Variants in SHCBP1L observed in about 807,000 individuals in gnomAD.
The protein encoded by SHCBP1L is SHC binding and spindle associated 1 like.
In SHCBP1L, 67 loss-of-function variants were observed where a neutral mutation model predicts 62.5. That is an observed-to-expected ratio of 1.07 (90% CI 0.88 to 1.31). The LOEUF is 1.31. Ranked by LOEUF, SHCBP1L falls within the 40% of genes most tolerant of loss-of-function variation. The pLI is 0.00. For synonymous variants in SHCBP1L, 284 were observed against 289.4 expected (o/e 0.98, Z 0.19); for missense variants, 823 against 809.8 (o/e 1.02, Z -0.20).
At chr1:182,911,044 T>C (rs1205005787) in intron 6 of SHCBP1L, among the ~76,000 whole-genome samples, 1 of 151,892 alleles carries the variant, frequency 6.6e-6, no homozygotes. Context: ...TGTGCACCAC[T>C]ATGCCCAGCT....
intron 2 of SHCBP1L, among the ~76,000 whole-genome samples, chr1:182,946,054 C>T (rs573787500): frequency 2.0e-5 from 3 of 146,904 alleles, no homozygotes; most frequent in East Asian, 2.0e-4. Flanking sequence ...AGCAAGACTC[C>T]GTCTTAAAAA....
At chr1:182,930,547 G>GTATATA (rs1650934881) in intron 5 of SHCBP1L, among the ~76,000 whole-genome samples, 1 of 92,820 alleles carries the variant, frequency 1.1e-5, no homozygotes, top group African/African-American at 4.0e-5. Context: ...GCTTTAGTGT[G>GTATATA]TGTGTATATA....
At chr1:182,938,229 T>A (rs975298057) in intron 5 of SHCBP1L, among the ~76,000 whole-genome samples, 1 of 152,008 alleles carries the variant, frequency 6.6e-6, no homozygotes, top group Non-Finnish European at 1.5e-5. Flanking sequence ...TGCCTCAGCC[T>A]CCCGAGTAGC....
intron 6 of SHCBP1L, among the ~76,000 whole-genome samples, chr1:182,921,373 C>T (rs1650522643): frequency 6.6e-6 from 1 of 152,142 alleles, no homozygotes; most frequent in African/African-American, 2.4e-5. Flanking sequence ...AAATGAAAGA[C>T]TGTTATTTAC....
At chr1:182,900,987 T>C (rs765981552) in intron 9 of SHCBP1L, among the ~76,000 whole-genome samples, 5 of 152,222 alleles carry the variant, frequency 3.3e-5, no homozygotes, top group Non-Finnish European at 7.3e-5. Context: ...ATGAAGCTGA[T>C]CTCTTATAAC....
chr1:182,907,548 A>G (rs1474386156), intron 6 of SHCBP1L, among the ~76,000 whole-genome samples: 8 of 150,912 alleles, frequency 5.3e-5, no homozygotes, highest in Admixed American at 4.6e-4. Context: ...TATCATGCAT[A>G]TATCTTTCTT....
At chr1:182,926,354 C>T (rs2101938899) in intron 6 of SHCBP1L, among the ~76,000 whole-genome samples, 1 of 152,258 alleles carries the variant, frequency 6.6e-6, no homozygotes, top group African/African-American at 2.4e-5. Context: ...ATGGTTATCA[C>T]CTTCTGTAGC....
intron 3 of SHCBP1L, 152 bp downstream of exon 3, chr1:182,940,177 C>T (rs1651310123): frequency 5.3e-6 from 3 of 566,378 alleles, no homozygotes; most frequent in African/African-American, 1.9e-5. Context: ...GTTACAAATA[C>T]AATATGTTAA....
intron 3 of SHCBP1L, 73 bp downstream of exon 3, chr1:182,940,256 T>C (rs1651312535): frequency 1.2e-5 from 15 of 1,278,458 alleles, no homozygotes; most frequent in Middle Eastern, 1.9e-4. Flanking sequence ...TGTAAAGCGA[T>C]TATATGAACA....
intron 9 of SHCBP1L, among the ~76,000 whole-genome samples, chr1:182,902,142 C>T (rs1458772722): frequency 6.8e-6 from 1 of 147,908 alleles, no homozygotes; most frequent in Non-Finnish European, 1.5e-5. Context: ...GTCCACCTCT[C>T]GAGTTCAAGT....
intron 6 of SHCBP1L, among the ~76,000 whole-genome samples, chr1:182,923,726 A>C (rs1650590153): frequency 6.6e-6 from 1 of 152,206 alleles, no homozygotes; most frequent in African/African-American, 2.4e-5. Flanking sequence ...TAGGCACTTA[A>C]GGAATATACC....
chr1:182,937,002 C>T (rs541688332), intron 5 of SHCBP1L, among the ~76,000 whole-genome samples: 1 of 152,050 alleles, frequency 6.6e-6, no homozygotes, highest in South Asian at 2.1e-4. Context: ...TGCAGTGAGC[C>T]ATGATCACGT....
intron 6 of SHCBP1L, among the ~76,000 whole-genome samples, chr1:182,918,852 T>C (rs1650438417): frequency 6.6e-6 from 1 of 152,120 alleles, no homozygotes; most frequent in African/African-American, 2.4e-5. Context: ...AACCCAATTA[T>C]GGGCAAGTGA....
At chr1:182,919,635 T>C (rs560543812) in intron 6 of SHCBP1L, among the ~76,000 whole-genome samples, 2 of 152,120 alleles carry the variant, frequency 1.3e-5, no homozygotes, top group African/African-American at 2.4e-5. Context: ...CTAGGCACCA[T>C]GCATAGACCA....
intron 8 of SHCBP1L, 86 bp from the exon 9 acceptor site, chr1:182,903,247 T>C: frequency 8.3e-7 from 1 of 1,207,954 alleles, no homozygotes; most frequent in Non-Finnish European, 1.1e-6. Flanking sequence ...ATCGTAATTC[T>C]GTATTACCAC....
chr1:182,930,703 G>GTGTGTGTA (rs1463256863), intron 5 of SHCBP1L, among the ~76,000 whole-genome samples: 5 of 14,282 alleles, frequency 3.5e-4, no homozygotes, highest in Admixed American at 2.7e-3. Flanking sequence ...GTGTGTGTGT[G>GTGTGTGTA]TATATATATA....
At chr1:182,914,939 G>A (rs1189045234) in intron 6 of SHCBP1L, among the ~76,000 whole-genome samples, 2 of 151,876 alleles carry the variant, frequency 1.3e-5, no homozygotes, top group Non-Finnish European at 2.9e-5. Flanking sequence ...GGAGGGCGAG[G>A]TGGGCGGATC....
Position 182,952,722 on chromosome 1 carries a change from C to G in SHCBP1L, c.405+7G>C. The G allele has an allele frequency of 6.3e-7, 1 of 1,595,776 alleles. No homozygotes were observed. On this transcript the variant is annotated splice_region_variant and intron_variant, in intron 1 of 9. Transcript: ENST00000367547. ...GACCGTAGTCTTCCTGTCCCGGATC[C>G]GCTCACCTTACAGTCCTGCAGCACT...
rs74426334 is a variant in SHCBP1L at position 182,906,446 on chromosome 1, T to C, written c.1183-797A>G. Among the ~76,000 whole-genome samples the C allele has an allele frequency of 2.3e-4, 35 of 149,828 alleles. No homozygotes were observed. In the East Asian group the frequency reaches 3.1e-3, roughly 13 times the overall value. ...TGAACAAAATTCTTTTTTTTTTTTT[T>C]CCGAGATCGAATTTCACTCTTGTCA... is the stretch of plus-strand genomic sequence containing the variant. On this transcript the variant is annotated intron_variant, in intron 6 of 9. Coordinates refer to ENST00000367547, the MANE Select transcript of SHCBP1L (RefSeq NM_030933.4).
Sources: allele counts gnomAD v4.1 joint callset (sites outside exome capture counted in the v4.1 genomes callset), GRCh38; gene constraint gnomAD v4.1.1; transcripts MANE v1.5; gene names NCBI Gene and HGNC (gene_info 2026-07-23, HGNC 2026-07-21).